The following NRXN1 variants were observed in gnomAD, a reference collection of about 807,000 sequenced individuals.
NRXN1 encodes neurexin-1.
Under a neutral mutation model 150.9 loss-of-function variants are expected in NRXN1, and 39 were observed. The observed-to-expected ratio is 0.26, with a 90% confidence interval of 0.20 to 0.34. NRXN1 has a LOEUF of 0.34. NRXN1 is among the 10% of genes least tolerant of loss of function. NRXN1 has a pLI of 1.00. For missense variants in NRXN1, 1,815 were observed against 1,949.9 expected, an observed-to-expected ratio of 0.93 and a Z score of 1.30; for synonymous variants, 924 against 757.0, an observed-to-expected ratio of 1.22 and a Z score of -3.62.
chr2:50,470,441 T>A (rs2089350579), intron 16 of NRXN1, among the ~76,000 whole-genome samples: 1 of 151,844 alleles, frequency 6.6e-6, no homozygotes, highest in South Asian at 2.1e-4. Flanking sequence ...ATTACTAACC[T>A]TATCCTCTAG....
At chr2:50,134,783 C>G (rs1706127476) in intron 18 of NRXN1, among the ~76,000 whole-genome samples, 1 of 152,146 alleles carries the variant, frequency 6.6e-6, no homozygotes, top group African/African-American at 2.4e-5. Context: ...AACTGAGTCG[C>G]AGGTTGTACA....
At chr2:50,444,829 T>C (rs2086262400) in intron 17 of NRXN1, among the ~76,000 whole-genome samples, 2 of 152,202 alleles carry the variant, frequency 1.3e-5, no homozygotes, top group Admixed American at 6.5e-5. Flanking sequence ...TGATGCTGTC[T>C]TTATTTAAAT....
At chr2:50,994,143 G>C (rs1332984531) in intron 2 of NRXN1, among the ~76,000 whole-genome samples, 1 of 151,932 alleles carries the variant, frequency 6.6e-6, no homozygotes, top group Non-Finnish European at 1.5e-5. Flanking sequence ...AGAATACTGA[G>C]CCTTAGAGAA....
chr2:51,003,686 T>TA (rs1331383046), intron 2 of NRXN1, among the ~76,000 whole-genome samples: 3 of 151,920 alleles, frequency 2.0e-5, no homozygotes, highest in Non-Finnish European at 4.4e-5. Flanking sequence ...TATGACAATA[T>TA]ATCCTGCTTG....
intron 17 of NRXN1, chr2:50,417,330 A>G (rs2083616367): frequency 6.6e-6 from 1 of 152,138 alleles, no homozygotes; most frequent in Admixed American, 6.6e-5. Context: ...AATGCTGTGT[A>G]CTATTTTATT....
intron 5 of NRXN1, among the ~76,000 whole-genome samples, chr2:50,747,080 A>C (rs1017800723): frequency 3.9e-4 from 60 of 152,220 alleles, no homozygotes; most frequent in Non-Finnish European, 2.4e-4. Flanking sequence ...TCTGTGTTTT[A>C]GGGTAGATTA....
chr2:50,520,600 A>T (rs2092759328), intron 12 of NRXN1, among the ~76,000 whole-genome samples: 1 of 151,992 alleles, frequency 6.6e-6, no homozygotes, highest in Non-Finnish European at 1.5e-5. Flanking sequence ...CTCAAAAAAA[A>T]TAGGAGATGC....
intron 21 of NRXN1, among the ~76,000 whole-genome samples, chr2:49,997,451 G>A (rs550554454): frequency 6.6e-6 from 1 of 152,104 alleles, no homozygotes; most frequent in South Asian, 2.1e-4. Flanking sequence ...GCAATCTACT[G>A]GAGATGAATT....
chr2:50,127,666 A>G (rs546721798), intron 18 of NRXN1, among the ~76,000 whole-genome samples: 2 of 152,200 alleles, frequency 1.3e-5, no homozygotes, highest in African/African-American at 4.8e-5. Context: ...ACTAGAAGAC[A>G]GCAATGACCA....
At chr2:50,367,555 G>A (rs778666070) in intron 17 of NRXN1, among the ~76,000 whole-genome samples, 1 of 151,960 alleles carries the variant, frequency 6.6e-6, no homozygotes, top group Non-Finnish European at 1.5e-5. Context: ...TGATTGGGGG[G>A]TTTGGTTCTA....
chr2:50,170,178 A>T (rs1309745741), intron 18 of NRXN1, among the ~76,000 whole-genome samples: 1 of 151,748 alleles, frequency 6.6e-6, no homozygotes, highest in African/African-American at 2.4e-5. Flanking sequence ...TGTACACTCA[A>T]ACTGGTTGAG....
At chr2:50,445,146 T>C (rs942212385) in intron 17 of NRXN1, among the ~76,000 whole-genome samples, 1 of 152,164 alleles carries the variant, frequency 6.6e-6, no homozygotes, top group African/African-American at 2.4e-5. Context: ...GGTTTATTCA[T>C]GTGCTGTCCT....
intron 19 of NRXN1, among the ~76,000 whole-genome samples, chr2:50,064,792 A>G (rs959998526): frequency 6.6e-6 from 1 of 152,210 alleles, no homozygotes; most frequent in South Asian, 2.1e-4. Flanking sequence ...TCATTTAACC[A>G]AGGCAAAAAT....
chr2:50,777,226 G>C (rs993603166), intron 5 of NRXN1, among the ~76,000 whole-genome samples: 1 of 152,046 alleles, frequency 6.6e-6, no homozygotes, highest in African/African-American at 2.4e-5. Flanking sequence ...CCTCCAAGGG[G>C]TAAATTGCCT....
chr2:50,227,557 C>T (rs1209533004), intron 18 of NRXN1, among the ~76,000 whole-genome samples: 3 of 151,952 alleles, frequency 2.0e-5, no homozygotes, highest in Non-Finnish European at 4.4e-5. Flanking sequence ...ACATTATCAG[C>T]CAGGTATGTC....
At chr2:50,219,948 TA>T (rs1559115363) in intron 18 of NRXN1, among the ~76,000 whole-genome samples, 1 of 66,944 alleles carries the variant, frequency 1.5e-5, no homozygotes, top group African/African-American at 1.1e-4. Context: ...ATATATTATA[TA>T]TATAATATAT....
At chr2:50,597,792 A>G (rs1675480144) in intron 8 of NRXN1, among the ~76,000 whole-genome samples, 1 of 152,140 alleles carries the variant, frequency 6.6e-6, no homozygotes, top group Non-Finnish European at 1.5e-5. Context: ...GAGTGAGTCT[A>G]AAAAAATGAT....
intron 2 of NRXN1, among the ~76,000 whole-genome samples, chr2:50,986,709 T>G (rs1441368532): frequency 1.4e-5 from 2 of 142,268 alleles, no homozygotes; most frequent in East Asian, 4.2e-4. Context: ...GCATATAAGC[T>G]TTTTTATAAA....
intron 5 of NRXN1, among the ~76,000 whole-genome samples, chr2:50,768,182 G>A (rs1702583446): frequency 1.3e-5 from 2 of 152,078 alleles, no homozygotes; most frequent in Non-Finnish European, 2.9e-5. Flanking sequence ...AAGAAATGTT[G>A]AGACTACTCT....
Sources: allele counts gnomAD v4.1 joint callset (sites outside exome capture counted in the v4.1 genomes callset), GRCh38; gene constraint gnomAD v4.1.1; transcripts MANE v1.5; gene names NCBI Gene and HGNC (gene_info 2026-07-23, HGNC 2026-07-21).